WDR49: variants seen among roughly 807,000 people sequenced by gnomAD.
WDR49 encodes the protein cilia- and flagella-associated protein 337.
Under a neutral mutation model 119.5 loss-of-function variants are expected in WDR49, and 107 were observed. That is an observed-to-expected ratio of 0.90 (90% CI 0.77 to 1.05). WDR49 has a LOEUF of 1.05. WDR49 is among the 50% of genes least tolerant of loss of function. The probability of loss-of-function intolerance (pLI) is 0.00; values close to 1 mark genes in which losing one functional copy is unlikely to be tolerated. For synonymous variants in WDR49, 425 were observed against 418.8 expected (o/e 1.01, Z -0.18); for missense variants, 1,240 against 1,220.5 (o/e 1.02, Z -0.24).
intron 15 of WDR49, among the ~76,000 whole-genome samples, chr3:167,522,792 T>A (rs2108232806): frequency 6.6e-6 from 1 of 152,312 alleles, no homozygotes; most frequent in East Asian, 1.9e-4. Flanking sequence ...TAGCCAGATG[T>A]ACATTTACTA....
At chr3:167,619,233 T>C (rs1002269683) in intron 5 of WDR49, among the ~76,000 whole-genome samples, 86 of 152,212 alleles carry the variant, frequency 5.7e-4, no homozygotes, top group African/African-American at 2.0e-3. Flanking sequence ...AAAAAACAAA[T>C]GAATATGAAT....
At chr3:167,481,714 C>T (rs1286894717) in intron 18 of WDR49, among the ~76,000 whole-genome samples, 1 of 152,106 alleles carries the variant, frequency 6.6e-6, no homozygotes, top group Non-Finnish European at 1.5e-5. Context: ...GCACTTCTTA[C>T]ATGGCAGCAG....
intron 18 of WDR49, among the ~76,000 whole-genome samples, chr3:167,484,461 G>A (rs1750846903): frequency 6.6e-6 from 1 of 151,972 alleles, no homozygotes; most frequent in Non-Finnish European, 1.5e-5. Flanking sequence ...ATATATATAT[G>A]TATAAGTGAA....
chr3:167,490,811 T>A, intron 18 of WDR49, among the ~76,000 whole-genome samples: 1 of 152,134 alleles, frequency 6.6e-6, no homozygotes, highest in East Asian at 1.9e-4. Context: ...CTTTGTTTTA[T>A]CTGCTAGAGA....
At chr3:167,500,403 T>G (rs1751517652) in intron 17 of WDR49, 104 bp from the exon 18 acceptor site, 1 of 1,382,446 alleles carries the variant, frequency 7.2e-7, no homozygotes, top group Non-Finnish European at 9.8e-7. Flanking sequence ...TTTATAAATT[T>G]AACCTTCCTG....
intron 5 of WDR49, among the ~76,000 whole-genome samples, chr3:167,617,313 G>A (rs1449192667): frequency 2.0e-5 from 3 of 152,162 alleles, no homozygotes; most frequent in Non-Finnish European, 4.4e-5. Flanking sequence ...AATTACTTGA[G>A]GTCAGGAGTT....
At chr3:167,570,370 C>A (rs1713863897) in intron 8 of WDR49, among the ~76,000 whole-genome samples, 1 of 152,106 alleles carries the variant, frequency 6.6e-6, no homozygotes, top group Non-Finnish European at 1.5e-5. Context: ...TTCCCAAATA[C>A]CCTCAATTTC....
Position 167,507,502 on chromosome 3 carries a change from A to G in WDR49, c.2775-2086T>C, listed in dbSNP as rs563525547. Among the ~76,000 whole-genome samples the G allele has an allele frequency of 4.6e-5, 7 of 152,302 alleles. No homozygotes were observed. The East Asian group carries it at 1.2e-3, about 25-fold the overall frequency. On this transcript the variant is annotated intron_variant, in intron 16 of 18. Coordinates refer to ENST00000682715, the MANE Select transcript of WDR49 (RefSeq NM_001366157.1). ...AGGCCTTGCAGTTATTGGATTAAGA[A>G]TACACCTTTTTCTAGAAAAGAATTA... is the stretch of plus-strand genomic sequence containing the variant.
At chr3:167,630,728 A>G (rs1717331558) in intron 2 of WDR49, among the ~76,000 whole-genome samples, 1 of 152,144 alleles carries the variant, frequency 6.6e-6, no homozygotes, top group Non-Finnish European at 1.5e-5. Context: ...CAGATACTGA[A>G]CCATTGTTCC....
In WDR49 at chr3:167,555,083, G is replaced by T. The variant is rs1209978276; in HGVS notation, c.1675-285C>A. 2.0e-5 allele frequency among the ~76,000 whole-genome samples: 3 copies of T among 152,098 alleles called. No individual in the cohort carries two copies. The East Asian group carries it at 5.8e-4, about 29-fold the overall frequency. On this transcript the variant is annotated intron_variant, in intron 9 of 18. Coordinates refer to ENST00000682715, the MANE Select transcript of WDR49 (RefSeq NM_001366157.1). ...GCTGGGGAGCCCTAAATAGCTTCAG[G>T]GTGGAGGCTGTTCTCAAGAAACGCC...
intron 10 of WDR49, among the ~76,000 whole-genome samples, chr3:167,545,509 T>TATATATATATATATATATATA (rs535132359): frequency 0.025 from 2,652 of 106,010 alleles, 126 homozygotes; most frequent in Non-Finnish European, 0.038. Context: ...ATATTATATA[T>TATATATATATATATATATATA]TATATATATA....
Position 167,532,748 on chromosome 3 carries a change from A to T in WDR49, c.2053+131T>A, listed in dbSNP as rs1386132631. The T allele has an allele frequency of 5.2e-6, 3 of 576,586 alleles. No individual in the cohort carries two copies. The Admixed American group carries it at 1.0e-4, about 19-fold the overall frequency. 35.7% of individuals were successfully genotyped at this position (576,586 alleles called of 1,614,324 possible). The stretch of plus-strand genomic sequence containing the variant: ...TTAGCTACTTTGGCAAGACAATGAT[A>T]TCCTTAATCCTTCAGGCTTATAGCC... On this transcript the variant is annotated intron_variant, in intron 12 of 18. Coordinates refer to ENST00000682715, the MANE Select transcript of WDR49 (RefSeq NM_001366157.1).
chr3:167,611,544 C>CA (rs1347144493), intron 5 of WDR49, among the ~76,000 whole-genome samples: 2 of 151,452 alleles, frequency 1.3e-5, no homozygotes, highest in Non-Finnish European at 1.5e-5. Flanking sequence ...GCTGAATGGG[C>CA]AAAAAAACAA....
chr3:167,559,373 G>A (rs149812912), intron 9 of WDR49, among the ~76,000 whole-genome samples: 57 of 152,260 alleles, frequency 3.7e-4, no homozygotes, highest in Non-Finnish European at 1.3e-4. Flanking sequence ...ATTACTCTTG[G>A]GGCTGAGGGG....
chr3:167,617,305 T>C (rs1417589081), intron 5 of WDR49, among the ~76,000 whole-genome samples: 1 of 152,170 alleles, frequency 6.6e-6, no homozygotes, highest in Non-Finnish European at 1.5e-5. Flanking sequence ...GATGAGTGAA[T>C]TACTTGAGGT....
At chr3:167,489,623 T>C (rs1253961422) in intron 18 of WDR49, among the ~76,000 whole-genome samples, 5 of 152,124 alleles carry the variant, frequency 3.3e-5, no homozygotes, top group Admixed American at 2.0e-4. Context: ...ATTTTTTCTA[T>C]AATAAAATGA....
At chr3:167,610,483 A>G (rs1383899874) in intron 5 of WDR49, among the ~76,000 whole-genome samples, 3 of 152,214 alleles carry the variant, frequency 2.0e-5, no homozygotes, top group Non-Finnish European at 2.9e-5. Flanking sequence ...GAGTGGGAAG[A>G]ACTGCATCTT....
At chr3:167,590,095 G>GT (rs1715031027) in intron 7 of WDR49, among the ~76,000 whole-genome samples, 1 of 151,932 alleles carries the variant, frequency 6.6e-6, no homozygotes, top group South Asian at 2.1e-4. Context: ...AACTTTTTGA[G>GT]TTTTTTAAAT....
At chr3:167,603,184 A>G (rs1057036636) in intron 6 of WDR49, among the ~76,000 whole-genome samples, 3 of 152,182 alleles carry the variant, frequency 2.0e-5, no homozygotes, top group Non-Finnish European at 4.4e-5. Context: ...GAAATGTTGT[A>G]TCTATTCAAA....
Sources: gnomAD v4.1 joint callset for allele counts (sites outside exome capture counted in the v4.1 genomes callset) on GRCh38, gnomAD v4.1.1 for gene constraint, MANE v1.5 for transcripts, NCBI Gene and HGNC (gene_info 2026-07-23, HGNC 2026-07-21) for gene names.